The following SLC39A8 variants were observed in gnomAD, a reference collection of about 807,000 sequenced individuals.
SLC39A8 encodes the protein solute carrier family 39 member 8, also known as metal cation symporter ZIP8.
SLC39A8 carries 15 observed loss-of-function variants against 40.4 expected under a neutral mutation model. The ratio of observed to expected loss-of-function variants is 0.37; its 90% CI spans 0.25 to 0.57. The LOEUF is 0.57. Among genes scored for constraint, SLC39A8 ranks in the 20% least tolerant of loss-of-function variants. SLC39A8 has a pLI of 0.75. For synonymous variants in SLC39A8, 223 were observed against 221.6 expected (o/e 1.01, Z -0.06); for missense variants, 472 against 558.8 (o/e 0.84, Z 1.57).
chr4:102,261,151 A>G (rs1031616083), downstream of SLC39A8, among the ~76,000 whole-genome samples: 1 of 152,230 alleles, frequency 6.6e-6, no homozygotes, highest in African/African-American at 2.4e-5. Context: ...TTTATTTATT[A>G]TAGGGTTAAC....
intron 2 of SLC39A8, among the ~76,000 whole-genome samples, chr4:102,341,769 A>G (rs1485814934): frequency 6.6e-6 from 1 of 152,200 alleles, no homozygotes; most frequent in Non-Finnish European, 1.5e-5. Context: ...ATATTTAGAA[A>G]ACCTTCCAAA....
At chr4:102,320,300 A>AT (rs1225727141) in intron 2 of SLC39A8, among the ~76,000 whole-genome samples, 4 of 110,994 alleles carry the variant, frequency 3.6e-5, no homozygotes, top group Non-Finnish European at 7.2e-5. Flanking sequence ...ATATGAGAAT[A>AT]TATATATGAG....
At chr4:102,277,571 A>G (rs1028656905) in intron 6 of SLC39A8, among the ~76,000 whole-genome samples, 2 of 152,242 alleles carry the variant, frequency 1.3e-5, no homozygotes, top group Non-Finnish European at 2.9e-5. Flanking sequence ...GTCCAAATTT[A>G]TAGATTCAAT....
At position 102,344,698 on chromosome 4, in the gene SLC39A8, G is replaced by A; in HGVS notation, c.-36C>T. The A allele has an allele frequency of 1.4e-6, 2 of 1,407,444 alleles. No individual in the cohort carries two copies. The highest frequency in any genetic ancestry group is 1.8e-6 in the Non-Finnish European group (2 of 1,088,906). The allele number at this position is 1,407,444 out of a possible 1,614,324, so 87.2% of individuals were successfully genotyped here. A position where few individuals can be genotyped will look rare whatever the true frequency, so the allele number is the denominator to read the frequency against. On this transcript the variant is annotated 5_prime_UTR_variant, in exon 2 of 9. Transcript: ENST00000356736. ...GCTTCCCCTTGAGGGCCCGCGACGG[G>A]CTGCCGCGCAGAGGGACGCGCGCGG...
intron 6 of SLC39A8, among the ~76,000 whole-genome samples, chr4:102,298,476 T>A (rs554735985): frequency 6.6e-6 from 1 of 152,196 alleles, no homozygotes; most frequent in East Asian, 1.9e-4. Flanking sequence ...ATTTCTTATG[T>A]CATTTTATTA....
intron 6 of SLC39A8, among the ~76,000 whole-genome samples, chr4:102,280,664 C>T (rs233827): frequency 0.39 from 59,731 of 152,018 alleles, 12,119 homozygotes; most frequent in South Asian, 0.56. Flanking sequence ...ATTATTTATC[C>T]TTTAATGCAT....
At chr4:102,303,153 AT>A (rs1305205971) in intron 6 of SLC39A8, among the ~76,000 whole-genome samples, 1 of 151,606 alleles carries the variant, frequency 6.6e-6, no homozygotes, top group African/African-American at 2.4e-5. Context: ...CTTTTATATC[AT>A]GTTTAACTAT....
At chr4:102,288,868 T>C (rs970458205) in intron 6 of SLC39A8, among the ~76,000 whole-genome samples, 5 of 152,172 alleles carry the variant, frequency 3.3e-5, no homozygotes, top group African/African-American at 1.2e-4. Context: ...AGAAGCCATC[T>C]CTATGACATA....
chr4:102,335,798 T>C (rs764324493), intron 2 of SLC39A8, among the ~76,000 whole-genome samples: 5 of 152,208 alleles, frequency 3.3e-5, no homozygotes, highest in Non-Finnish European at 7.3e-5. Context: ...AAAGCCTCTC[T>C]GAAGGTGAGT....
At chr4:102,253,385 G>A (rs375553435) in exon 12 of SLC39A8, 1 of 714,518 alleles carries the variant, frequency 1.4e-6, no homozygotes, top group African/African-American at 1.8e-5. Flanking sequence ...TGGTATTGCA[G>A]AGATGTGGAG....
rs148760912 is a variant in SLC39A8, at chr4:102,336,604, C to T, written c.219+7840G>A. Among the ~76,000 whole-genome samples, 308 of 152,272 alleles carry T rather than the reference C, an allele frequency of 2.0e-3. 1 individual carries two copies. Among genetic ancestry groups the T allele is most frequent in the African/African-American group, 7.2e-3 (299 of 41,554 alleles). The stretch of plus-strand genomic sequence containing the variant: ...ATATTTGGCCTTGGAGGGCATAATG[C>T]TACATTTCAGGTTCACCTTTAATCT... On this transcript the variant is annotated intron_variant, in intron 2 of 8. Coordinates refer to ENST00000356736, the MANE Select transcript of SLC39A8 (RefSeq NM_001135146.2).
At chr4:102,259,306 C>T, downstream of SLC39A8, 1 of 474,090 alleles carries the variant, frequency 2.1e-6, no homozygotes, top group Admixed American at 3.7e-5. Flanking sequence ...AATAAATTAT[C>T]CACGTGTTGC....
In SLC39A8 at chr4:102,262,294, C is replaced by G. The variant is rs574677805; in HGVS notation, c.*750G>C. 5 of 985,712 alleles carry G rather than the reference C, an allele frequency of 5.1e-6. No homozygotes were observed. In the African/African-American group the frequency reaches 8.7e-5, roughly 17 times the overall value. The allele number at this position is 985,712 out of a possible 1,614,324, so 61.1% of individuals were successfully genotyped here. A position where few individuals can be genotyped will look rare whatever the true frequency, so the allele number is the denominator to read the frequency against. On this transcript the variant is annotated 3_prime_UTR_variant, in exon 9 of 9. Transcript: ENST00000356736. ...GGTGTTACCAGCTTTACATACTGTTCTGCCATTTGTGAGGGGTGCAACCAC... is the reference window on the plus strand; with the variant it reads ...GGTGTTACCAGCTTTACATACTGTTGTGCCATTTGTGAGGGGTGCAACCAC...
At position 102,320,419 on chromosome 4, in the gene SLC39A8, TGA is replaced by T. The variant is rs1347104555; in HGVS notation, c.220-4591_220-4590del. Among the ~76,000 whole-genome samples, 403 of 104,762 alleles carry T rather than the reference TGA, an allele frequency of 3.8e-3. 11 individuals carry two copies. Among genetic ancestry groups the T allele is most frequent in the Non-Finnish European group, 5.9e-3 (309 of 52,324 alleles). The allele number at this position is 104,762 out of a possible 152,430, so 68.7% of individuals were successfully genotyped here. A position where few individuals can be genotyped will look rare whatever the true frequency, so the allele number is the denominator to read the frequency against. ...GTATATATATATGAGAATATATATA[TGA>T]GAATATATATATATGAGAATATATA... On this transcript the variant is annotated intron_variant, in intron 2 of 8. Transcript: ENST00000356736.
chr4:102,303,408 C>A (rs1428793894), intron 6 of SLC39A8, among the ~76,000 whole-genome samples: 2 of 151,924 alleles, frequency 1.3e-5, no homozygotes, highest in African/African-American at 4.8e-5. Context: ...CAAGCTGAAC[C>A]AGGAAGACAC....
chr4:102,262,530 T>C lies in SLC39A8; in HGVS notation c.*514A>G, dbSNP rs191856778. ...AAAAAGCTGTGAGAAATCTTTTTTT[T>C]CTTTGGCTCCTTAAAGACTTGGAAT... On this transcript the variant is annotated 3_prime_UTR_variant, in exon 9 of 9. Transcript: ENST00000356736. 1,587 of 985,418 alleles carry C rather than the reference T, an allele frequency of 1.6e-3. 5 individuals are homozygous for C. The highest frequency in any genetic ancestry group is 0.012 in the Middle Eastern group (23 of 1,912). 61.0% of individuals were successfully genotyped at this position (985,418 alleles called of 1,614,324 possible).
intron 2 of SLC39A8, among the ~76,000 whole-genome samples, chr4:102,330,661 C>G (rs1330602840): frequency 6.6e-6 from 1 of 152,026 alleles, no homozygotes; most frequent in African/African-American, 2.4e-5. Context: ...AGACTCTTCC[C>G]TAACTCATTT....
At chr4:102,328,896 T>C (rs1202005446) in intron 2 of SLC39A8, among the ~76,000 whole-genome samples, 2 of 151,656 alleles carry the variant, frequency 1.3e-5, no homozygotes, top group African/African-American at 4.8e-5. Context: ...GGCTTGGTGG[T>C]GGGCGCCTGT....
At chr4:102,314,488 G>A (rs1023152284) in intron 3 of SLC39A8, among the ~76,000 whole-genome samples, 3 of 151,964 alleles carry the variant, frequency 2.0e-5, no homozygotes, top group African/African-American at 7.3e-5. Context: ...CTCCCGCAAG[G>A]CTTCCTCACC....
Sources: gnomAD v4.1 joint callset for allele counts (sites outside exome capture counted in the v4.1 genomes callset) on GRCh38, gnomAD v4.1.1 for gene constraint, MANE v1.5 for transcripts, NCBI Gene and HGNC (gene_info 2026-07-23, HGNC 2026-07-21) for gene names.